ZNF564: variants seen among roughly 807,000 people sequenced by gnomAD.
ZNF564 encodes the protein zinc finger protein 564.
ZNF564 carries 5 observed loss-of-function variants against 10.5 expected under a neutral mutation model. The observed-to-expected ratio is 0.48, with a 90% CI of 0.25 to 1.00. ZNF564 has a LOEUF of 1.00. Among genes scored for constraint, ZNF564 ranks in the 50% least tolerant of loss-of-function variants. The pLI is 0.16. For missense variants in ZNF564, 603 were observed against 669.7 expected, an observed-to-expected ratio of 0.90 and a Z score of 1.10; for synonymous variants, 242 against 218.1, an observed-to-expected ratio of 1.11 and a Z score of -0.97.
intron 1 of ZNF564, chr19:12,550,732 A>C (rs2022239874): frequency 6.3e-6 from 1 of 157,958 alleles, no homozygotes; most frequent in Non-Finnish European, 1.4e-5. Flanking sequence ...AACAACTAAA[A>C]TACTGTGTCT....
intron 1 of ZNF564, among the ~76,000 whole-genome samples, chr19:12,546,272 C>A (rs1378693605): frequency 6.6e-6 from 1 of 152,144 alleles, no homozygotes; most frequent in Non-Finnish European, 1.5e-5. Context: ...AACCAAATTG[C>A]TGACAATGTT....
At chr19:12,547,515 C>T (rs1373103653) in intron 1 of ZNF564, among the ~76,000 whole-genome samples, 2 of 152,138 alleles carry the variant, frequency 1.3e-5, no homozygotes, top group South Asian at 2.1e-4. Context: ...ATCATGGGAG[C>T]CCATGGTTTA....
chr19:12,548,831 G>C (rs1392060521), intron 1 of ZNF564: 2 of 702,800 alleles, frequency 2.8e-6, no homozygotes, highest in East Asian at 2.7e-5. Context: ...AAAGGATACA[G>C]AACAGTTATC....
At chr19:12,549,017 G>C (rs2022204193) in intron 1 of ZNF564, among the ~76,000 whole-genome samples, 1 of 152,088 alleles carries the variant, frequency 6.6e-6, no homozygotes, top group Non-Finnish European at 1.5e-5. Flanking sequence ...TTCTGGGATT[G>C]ATCTGAAATC....
At chr19:12,549,293 C>T (rs1363171003) in intron 1 of ZNF564, among the ~76,000 whole-genome samples, 1 of 152,064 alleles carries the variant, frequency 6.6e-6, no homozygotes, top group East Asian at 1.9e-4. Context: ...TTTACAAACC[C>T]AGGGAGAGGC....
At position 12,531,012 on chromosome 19, in the gene ZNF564, T is replaced by C. The variant is rs561440724; in HGVS notation, c.4-2316A>G. On this transcript the variant is annotated intron_variant, in intron 1 of 3. Coordinates refer to ENST00000339282, the MANE Select transcript of ZNF564 (RefSeq NM_144976.4). ...AAATTCCTGCCTCAGCCTCCCAAAG[T>C]GCTGGGATTACAGGTGTAAACCACC... Among the ~76,000 whole-genome samples the C allele has an allele frequency of 5.9e-5, 9 of 152,200 alleles. No individual in the cohort carries two copies. The East Asian group carries it at 1.5e-3, about 26-fold the overall frequency.
Position 12,528,933 on chromosome 19 carries a change from G to A in ZNF564, c.4-237C>T, listed in dbSNP as rs146001207. ...ATATGAATTAGCTGGGCGTGGTGGC[G>A]TATGCCTGTTAATCCCGGCTACTCA... is the stretch of plus-strand genomic sequence containing the variant. On this transcript the variant is annotated intron_variant, in intron 1 of 3. Transcript: ENST00000339282. Among the ~76,000 whole-genome samples the A allele has an allele frequency of 2.0e-3, 305 of 152,182 alleles. 1 individual carries two copies. The highest frequency in any genetic ancestry group is 0.01 in the Middle Eastern group (3 of 294).
Position 12,527,107 on chromosome 19 carries a change from T to C in ZNF564, c.1001A>G (p.Glu334Gly), listed in dbSNP as rs2021701445. 15 of 1,614,166 alleles carry C rather than the reference T, an allele frequency of 9.3e-6. No individual in the cohort carries two copies. The highest frequency in any genetic ancestry group is 1.3e-5 in the Non-Finnish European group (15 of 1,180,040). Residue 334 changes from glutamate (E) to glycine (G), a missense_variant, in exon 4 of 4, where the codon GAG (glutamate) becomes GGG (glycine). Transcript: ENST00000339282. Reference sequence around the variant, plus strand: ...ACATTTATTACATTCATAGGGTTTCTCCCCAGTATGAGTTCTTTCATGCTT... The same window carrying C: ...ACATTTATTACATTCATAGGGTTTCCCCCCAGTATGAGTTCTTTCATGCTT... ...VRKHERTHTG[E>G]KPYECNKCGK...
intron 1 of ZNF564, among the ~76,000 whole-genome samples, chr19:12,548,012 T>C (rs557099309): frequency 6.6e-6 from 1 of 151,852 alleles, no homozygotes; most frequent in South Asian, 2.1e-4. Context: ...GGTTTCTCCA[T>C]GTTGGTCAGG....
chr19:12,551,434 G>C lies in ZNF564; in HGVS notation c.-102C>G. 2 of 1,448,388 alleles carry C rather than the reference G, an allele frequency of 1.4e-6. No individual in the cohort carries two copies. Among genetic ancestry groups the C allele is most frequent in the South Asian group, 1.4e-5 (1 of 72,998 alleles). 89.7% of individuals were successfully genotyped at this position (1,448,388 alleles called of 1,614,324 possible). A position where few individuals can be genotyped will look rare whatever the true frequency, so the allele number is the denominator to read the frequency against. On this transcript the variant is annotated 5_prime_UTR_variant, in exon 1 of 4. Transcript: ENST00000339282. Reference sequence around the variant, plus strand: ...TGCGGTGGAGCCACCGGGGCCACTGGAGAAGCGGAGACCGGAACCCAAACG... The same window carrying C: ...TGCGGTGGAGCCACCGGGGCCACTGCAGAAGCGGAGACCGGAACCCAAACG...
At position 12,527,920 on chromosome 19, in the gene ZNF564, G is replaced by GA. The variant is rs1300390585; in HGVS notation, c.192-5dup. 1.3e-6 allele frequency: 2 copies of GA among 1,565,608 alleles called. No homozygotes were observed. Among genetic ancestry groups the GA allele is most frequent in the East Asian group, 2.2e-5 (1 of 44,464 alleles). ...GAGTCCCTCTTCCATATGATTTCTGGAAAAAATAGAAAGCAAGATTTAGTG... is the reference window on the plus strand; with the variant it reads ...GAGTCCCTCTTCCATATGATTTCTGGAAAAAAATAGAAAGCAAGATTTAGTG... On this transcript the variant is annotated splice_region_variant and splice_polypyrimidine_tract_variant and intron_variant, in intron 3 of 3. Coordinates refer to ENST00000339282, the MANE Select transcript of ZNF564 (RefSeq NM_144976.4).
At position 12,551,446 on chromosome 19, in the gene ZNF564, C is replaced by G; in HGVS notation, c.-114G>C. 4.9e-6 allele frequency: 7 copies of G among 1,437,202 alleles called. No individual in the cohort carries two copies. The highest frequency in any genetic ancestry group is 6.4e-6 in the Non-Finnish European group (7 of 1,093,998). The allele number at this position is 1,437,202 out of a possible 1,614,324, so 89.0% of individuals were successfully genotyped here. A position where few individuals can be genotyped will look rare whatever the true frequency, so the allele number is the denominator to read the frequency against. On this transcript the variant is annotated 5_prime_UTR_variant, in exon 1 of 4. Transcript: ENST00000339282. ...ACCGGGGCCACTGGAGAAGCGGAGA[C>G]CGGAACCCAAACGCAGCGGACACGA...
At chr19:12,534,756 G>A (rs916417847) in intron 1 of ZNF564, among the ~76,000 whole-genome samples, 15 of 152,188 alleles carry the variant, frequency 9.9e-5, no homozygotes, top group Non-Finnish European at 1.8e-4. Context: ...GGAGGCTGCA[G>A]TAAGCCGAGA....
At chr19:12,545,744 T>C (rs565377732) in intron 1 of ZNF564, among the ~76,000 whole-genome samples, 5 of 152,242 alleles carry the variant, frequency 3.3e-5, no homozygotes, top group Admixed American at 1.3e-4. Flanking sequence ...GGGGTGGATA[T>C]AGGCAACGCT....
Position 12,527,787 on chromosome 19 carries a change from C to CTAGTTTGTG in ZNF564, c.320_321insCACAAACTA (p.Leu107delinsPheThrAsnTer). 6.2e-7 allele frequency: 1 copy of CTAGTTTGTG among 1,614,114 alleles called. No homozygotes were observed. The highest frequency in any genetic ancestry group is 8.5e-7 in the Non-Finnish European group (1 of 1,180,030). On this transcript the variant is annotated stop_gained and protein_altering_variant, in exon 4 of 4. Transcript: ENST00000339282. LOFTEE classifies it low-confidence loss of function (END_TRUNC). The stretch of plus-strand genomic sequence containing the variant: ...AATGATGCATGAAGACTTTCCCACA[C>CTAGTTTGTG]AAACTACATTCACATGGTCTTACTA...
intron 1 of ZNF564, chr19:12,548,201 T>C: frequency 1.0e-6 from 1 of 978,746 alleles, no homozygotes; most frequent in Non-Finnish European, 1.2e-6. Flanking sequence ...GAAAGGAAAC[T>C]GTAAGACATT....
At position 12,539,713 on chromosome 19, in the gene ZNF564, C is replaced by T. The variant is rs527724471; in HGVS notation, c.4-11017G>A. On this transcript the variant is annotated intron_variant, in intron 1 of 3. Transcript: ENST00000339282. Reference sequence around the variant, plus strand: ...GAAAAAGGCCAGGCGCAGTGGCTCACGCCTGTAATCCAAGCACTTTGGGAG... The same window carrying T: ...GAAAAAGGCCAGGCGCAGTGGCTCATGCCTGTAATCCAAGCACTTTGGGAG... Among the ~76,000 whole-genome samples the T allele has an allele frequency of 8.0e-5, 12 of 150,258 alleles. 1 individual carries two copies. Among genetic ancestry groups the T allele is most frequent in the Admixed American group, 2.7e-4 (4 of 14,970 alleles).
chr19:12,550,515 T>C, intron 1 of ZNF564: 1 of 273,396 alleles, frequency 3.7e-6, no homozygotes, highest in South Asian at 2.5e-5. Context: ...AAGTAGCCGG[T>C]CGTGGCGGCG....
chr19:12,542,014 CAAAA>C (rs74180077), intron 1 of ZNF564, among the ~76,000 whole-genome samples: 2 of 56,266 alleles, frequency 3.6e-5, no homozygotes, highest in East Asian at 7.2e-4. Flanking sequence ...AGACTCTGTC[CAAAA>C]AAAAAAAAAA....
Sources: allele counts gnomAD v4.1 joint callset (sites outside exome capture counted in the v4.1 genomes callset), GRCh38; gene constraint gnomAD v4.1.1; transcripts MANE v1.5; gene names NCBI Gene and HGNC (gene_info 2026-07-23, HGNC 2026-07-21).